KCNH7: variants seen among roughly 807,000 people sequenced by gnomAD.
KCNH7 encodes the protein potassium voltage-gated channel subfamily H member 7, also known as voltage-gated inwardly rectifying potassium channel KCNH7.
Under a neutral mutation model 120.8 loss-of-function variants are expected in KCNH7, and 49 were observed. That is an observed-to-expected ratio of 0.41 (90% CI 0.32 to 0.51). KCNH7 has a LOEUF of 0.51. KCNH7 is among the 20% of genes least tolerant of loss of function. The pLI is 0.38. For missense variants in KCNH7, 1,097 were observed against 1,446.6 expected, an observed-to-expected ratio of 0.76 and a Z score of 3.92; for synonymous variants, 547 against 516.1, an observed-to-expected ratio of 1.06 and a Z score of -0.81.
intron 3 of KCNH7, among the ~76,000 whole-genome samples, chr2:162,524,481 G>T (rs1691635092): frequency 6.6e-6 from 1 of 152,034 alleles, no homozygotes; most frequent in East Asian, 1.9e-4. Flanking sequence ...ACAGTGTCCA[G>T]TACAGAGAGA....
chr2:162,767,419 T>A (rs1334160496), intron 2 of KCNH7, among the ~76,000 whole-genome samples: 4 of 152,124 alleles, frequency 2.6e-5, no homozygotes, highest in Non-Finnish European at 5.9e-5. Context: ...CCAAATATAA[T>A]CACACATATT....
intron 2 of KCNH7, among the ~76,000 whole-genome samples, chr2:162,824,616 A>G (rs1685221821): frequency 6.6e-6 from 1 of 152,084 alleles, no homozygotes; most frequent in Admixed American, 6.6e-5. Context: ...CATTCATTTC[A>G]ATACTATTAT....
Position 162,417,475 on chromosome 2 carries a change from T to C in KCNH7, c.2154+5861A>G, listed in dbSNP as rs570854763. Among the ~76,000 whole-genome samples, 9 of 152,278 alleles carry C rather than the reference T, an allele frequency of 5.9e-5. No individual in the cohort carries two copies. In the East Asian group the frequency reaches 1.7e-3, roughly 29 times the overall value. Reference sequence around the variant, plus strand: ...CTACAGTTCTATTCAAATAGGAACATTATTTTAAGAATTTCAAAAAACAAT... The same window carrying C: ...CTACAGTTCTATTCAAATAGGAACACTATTTTAAGAATTTCAAAAAACAAT... On this transcript the variant is annotated intron_variant, in intron 9 of 15. Transcript: ENST00000332142.
intron 2 of KCNH7, among the ~76,000 whole-genome samples, chr2:162,804,602 A>G (rs950391014): frequency 6.6e-6 from 1 of 152,068 alleles, no homozygotes. Flanking sequence ...CATAGATGAC[A>G]CAAACAAATG....
At chr2:162,472,105 T>G (rs1017904449) in intron 6 of KCNH7, among the ~76,000 whole-genome samples, 4 of 152,218 alleles carry the variant, frequency 2.6e-5, no homozygotes, top group African/African-American at 9.7e-5. Context: ...GATTAAAGAC[T>G]TAAATGTTAG....
intron 2 of KCNH7, among the ~76,000 whole-genome samples, chr2:162,814,670 C>T (rs908229511): frequency 6.6e-6 from 1 of 152,148 alleles, no homozygotes; most frequent in African/African-American, 2.4e-5. Context: ...CCAAATAGAA[C>T]AGTAAACAGA....
intron 3 of KCNH7, among the ~76,000 whole-genome samples, chr2:162,530,061 G>C (rs1691862595): frequency 6.6e-6 from 1 of 151,824 alleles, no homozygotes; most frequent in Non-Finnish European, 1.5e-5. Context: ...TGAAAAATTA[G>C]GTCTTCTGAG....
At chr2:162,523,329 A>G (rs912176793) in intron 3 of KCNH7, among the ~76,000 whole-genome samples, 3 of 151,772 alleles carry the variant, frequency 2.0e-5, no homozygotes, top group Admixed American at 1.3e-4. Context: ...CTCCCCTAAG[A>G]TCCCCTAAGA....
At chr2:162,470,660 G>A (rs946279542) in intron 6 of KCNH7, among the ~76,000 whole-genome samples, 2 of 151,864 alleles carry the variant, frequency 1.3e-5, no homozygotes, top group Admixed American at 6.5e-5. Context: ...CGCCCCGTCC[G>A]GGAGGTGAGG....
intron 6 of KCNH7, among the ~76,000 whole-genome samples, chr2:162,447,728 T>C (rs1236250955): frequency 1.3e-5 from 2 of 152,132 alleles, no homozygotes; most frequent in Non-Finnish European, 2.9e-5. Flanking sequence ...ACTGTAGTAA[T>C]GAATTATGTC....
At position 162,565,483 on chromosome 2, in the gene KCNH7, T is replaced by C. The variant is rs370393896; in HGVS notation, c.308-28403A>G. ...CATACAAAAATATCTAGATAAGAAG[T>C]ACCAAAGGATGACAGTTTTTACTGA... On this transcript the variant is annotated intron_variant, in intron 2 of 15. Transcript: ENST00000332142. Among the ~76,000 whole-genome samples, 32 of 152,126 alleles carry C rather than the reference T, an allele frequency of 2.1e-4. No individual in the cohort carries two copies. In the South Asian group the frequency reaches 6.6e-3, roughly 32 times the overall value.
chr2:162,471,902 G>A (rs913623169), intron 6 of KCNH7, among the ~76,000 whole-genome samples: 1 of 152,114 alleles, frequency 6.6e-6, no homozygotes, highest in African/African-American at 2.4e-5. Flanking sequence ...ATAGACCAAT[G>A]GAACAGAACA....
intron 6 of KCNH7, among the ~76,000 whole-genome samples, chr2:162,487,923 G>A (rs1287421734): frequency 6.6e-6 from 1 of 152,130 alleles, no homozygotes; most frequent in African/African-American, 2.4e-5. Context: ...ATTTTTCTGT[G>A]ATAAATGTCC....
At chr2:162,526,130 C>A (rs771116388) in intron 3 of KCNH7, among the ~76,000 whole-genome samples, 9 of 151,748 alleles carry the variant, frequency 5.9e-5, no homozygotes, top group Non-Finnish European at 1.0e-4. Context: ...CGTGATGCCC[C>A]CTGAGCTGTA....
At chr2:162,708,721 A>G (rs1259402801) in intron 2 of KCNH7, among the ~76,000 whole-genome samples, 1 of 152,076 alleles carries the variant, frequency 6.6e-6, no homozygotes, top group Non-Finnish European at 1.5e-5. Flanking sequence ...GAATTTGATG[A>G]CAAATATATA....
chr2:162,372,107 A>G lies in KCNH7; in HGVS notation c.3325-12T>C, dbSNP rs1685970709. 2 of 1,593,666 alleles carry G rather than the reference A, an allele frequency of 1.3e-6. No individual in the cohort carries two copies. Among genetic ancestry groups the G allele is most frequent in the East Asian group, 2.2e-5 (1 of 44,546 alleles). ...AGAAATTCAGGACACTGATGGAAAA[A>G]GAACAAAACAAGTTTTTATAATTCA... On this transcript the variant is annotated splice_polypyrimidine_tract_variant and intron_variant, in intron 15 of 15. Coordinates refer to ENST00000332142, the MANE Select transcript of KCNH7 (RefSeq NM_033272.4).
intron 2 of KCNH7, among the ~76,000 whole-genome samples, chr2:162,672,729 G>C (rs984431003): frequency 6.6e-5 from 10 of 151,638 alleles, no homozygotes; most frequent in Non-Finnish European, 1.3e-4. Context: ...TCCTTACCAG[G>C]CATATGATGA....
At chr2:162,771,304 T>C (rs1338354848) in intron 2 of KCNH7, among the ~76,000 whole-genome samples, 1 of 152,190 alleles carries the variant, frequency 6.6e-6, no homozygotes, top group Non-Finnish European at 1.5e-5. Context: ...TCTTATGAAA[T>C]GAAATTTCTC....
intron 6 of KCNH7, among the ~76,000 whole-genome samples, chr2:162,454,382 C>G (rs1019711898): frequency 2.0e-5 from 3 of 152,026 alleles, no homozygotes; most frequent in African/African-American, 7.2e-5. Flanking sequence ...AGTCAGGTAG[C>G]GTGATACCTC....
Sources: allele counts gnomAD v4.1 joint callset (sites outside exome capture counted in the v4.1 genomes callset), GRCh38; gene constraint gnomAD v4.1.1; transcripts MANE v1.5; gene names NCBI Gene and HGNC (gene_info 2026-07-23, HGNC 2026-07-21).